Variants in ANK2 observed in about 807,000 individuals in gnomAD.
The protein encoded by ANK2 is ankyrin 2.
ANK2 carries 83 observed loss-of-function variants against 360.5 expected under a neutral mutation model. That is an observed-to-expected ratio of 0.23 (90% confidence interval 0.19 to 0.28). The LOEUF (loss-of-function observed/expected upper bound fraction) is 0.28, where lower values mean the gene tolerates loss of function less well. Among genes scored for constraint, ANK2 ranks in the 10% least tolerant of loss-of-function variants. ANK2 has a pLI of 1.00. For missense variants in ANK2, 4,201 were observed against 4,795.7 expected (o/e 0.88, Z 3.66); for synonymous variants, 1,740 against 1,759.5 (o/e 0.99, Z 0.28).
chr4:113,056,284 G>T (rs2069763118), intron 1 of ANK2, among the ~76,000 whole-genome samples: 1 of 152,108 alleles, frequency 6.6e-6, no homozygotes, highest in South Asian at 2.1e-4. Context: ...CTCAGTAGTT[G>T]TTCTATTAAA....
At chr4:112,988,784 A>G (rs530307578) in intron 2 of ANK2, among the ~76,000 whole-genome samples, 1 of 152,330 alleles carries the variant, frequency 6.6e-6, no homozygotes, top group Admixed American at 6.5e-5. Context: ...TAGCTTAATT[A>G]TGTGCATGAA....
At chr4:112,885,004 C>A (rs562870660) in intron 1 of ANK2, among the ~76,000 whole-genome samples, 1 of 152,148 alleles carries the variant, frequency 6.6e-6, no homozygotes, top group African/African-American at 2.4e-5. Flanking sequence ...CTCAGCATAG[C>A]GCTGGGCACA....
intron 2 of ANK2, among the ~76,000 whole-genome samples, chr4:112,910,560 G>A (rs2086785590): frequency 6.6e-6 from 1 of 152,240 alleles, no homozygotes; most frequent in Non-Finnish European, 1.5e-5. Context: ...GAGGGAGAAA[G>A]TGAAATTCTG....
chr4:112,798,150 CTG>C, the ANK2 span: 1 of 153,492 alleles, frequency 6.5e-6, no homozygotes, highest in Admixed American at 6.5e-5. Flanking sequence ...TCCACAGAAT[CTG>C]TAATATTCTG....
At chr4:112,800,410 T>G in the ANK2 span, among the ~76,000 whole-genome samples, 4 of 152,194 alleles carry the variant, frequency 2.6e-5, no homozygotes, top group African/African-American at 4.8e-5. Flanking sequence ...TGTGTATGTG[T>G]GTGTGTATGA....
At chr4:112,798,772 C>G in the ANK2 span, 1 of 152,236 alleles carries the variant, frequency 6.6e-6, no homozygotes, top group African/African-American at 2.4e-5. Flanking sequence ...CTATCTTACT[C>G]AGGTTGGTAC....
At chr4:113,206,160 G>A (rs2098944712) in intron 4 of ANK2, among the ~76,000 whole-genome samples, 1 of 152,046 alleles carries the variant, frequency 6.6e-6, no homozygotes, top group Non-Finnish European at 1.5e-5. Context: ...GTAAACATGT[G>A]CCATGGTGGT....
chr4:112,784,350 ATTTTTT>A, the ANK2 span, among the ~76,000 whole-genome samples: 146 of 69,562 alleles, frequency 2.1e-3, no homozygotes, highest in East Asian at 9.8e-3. Flanking sequence ...ACCCTGACTG[ATTTTTT>A]TTTTTTTTTT....
chr4:113,253,397 G>T (rs1309353279), intron 10 of ANK2, among the ~76,000 whole-genome samples: 1 of 152,044 alleles, frequency 6.6e-6, no homozygotes, highest in Non-Finnish European at 1.5e-5. Context: ...CCTGTATGCT[G>T]GTGCCACGAG....
chr4:112,895,491 C>T (rs763888142), intron 1 of ANK2, among the ~76,000 whole-genome samples: 4 of 152,094 alleles, frequency 2.6e-5, no homozygotes, highest in Admixed American at 6.6e-5. Context: ...AGGTGCTGAA[C>T]GCCATGGATT....
the ANK2 span, among the ~76,000 whole-genome samples, chr4:112,721,960 CATT>C: frequency 6.6e-6 from 1 of 152,140 alleles, no homozygotes; most frequent in African/African-American, 2.4e-5. Context: ...ATCTCACAAG[CATT>C]ATTATCAGAC....
At chr4:112,798,962 C>T in the ANK2 span, among the ~76,000 whole-genome samples, 2 of 152,130 alleles carry the variant, frequency 1.3e-5, no homozygotes, top group African/African-American at 4.8e-5. Context: ...AATTCCATAC[C>T]CATTAAAAAA....
intron 4 of ANK2, among the ~76,000 whole-genome samples, chr4:113,221,816 G>A (rs1179235674): frequency 1.3e-5 from 2 of 152,190 alleles, no homozygotes; most frequent in Non-Finnish European, 2.9e-5. Context: ...TAGTTCAAAT[G>A]CTTTCTTGGT....
At chr4:113,098,298 T>C (rs1216406176) in intron 1 of ANK2, among the ~76,000 whole-genome samples, 1 of 151,888 alleles carries the variant, frequency 6.6e-6, no homozygotes, top group Admixed American at 6.6e-5. Flanking sequence ...ATAAAGTTGA[T>C]AAAATTTTAG....
chr4:113,311,493 T>C, intron 24 of ANK2, 94 bp downstream of exon 24: 1 of 1,456,040 alleles, frequency 6.9e-7, no homozygotes, highest in Non-Finnish European at 9.5e-7. Flanking sequence ...TTATTGAGCA[T>C]TTAATAGGTA....
At chr4:113,128,837 T>C (rs559039167) in intron 1 of ANK2, among the ~76,000 whole-genome samples, 1 of 152,324 alleles carries the variant, frequency 6.6e-6, no homozygotes, top group South Asian at 2.1e-4. Context: ...CGTAGAGTTG[T>C]ACGTTGTGTG....
rs2052897774 is a variant in ANK2, at chr4:113,006,456, T to C, written c.21+101942T>C. On this transcript the variant is annotated intron_variant, in intron 2 of 30. Transcript: ENST00000503271. ...ACTTCACTCACAAGAGCAGGACAAGTTTAAATACATTGAGCTCTCATTATT... is the reference window on the plus strand; with the variant it reads ...ACTTCACTCACAAGAGCAGGACAAGCTTAAATACATTGAGCTCTCATTATT... Among the ~76,000 whole-genome samples, 5 of 152,186 alleles carry C rather than the reference T, an allele frequency of 3.3e-5. No individual in the cohort carries two copies. In the South Asian group the frequency reaches 1.0e-3, roughly 32 times the overall value.
At chr4:112,989,157 T>TAAACGAGA (rs1054282905) in intron 2 of ANK2, among the ~76,000 whole-genome samples, 3 of 152,212 alleles carry the variant, frequency 2.0e-5, no homozygotes, top group Non-Finnish European at 4.4e-5. Flanking sequence ...GCTCATATTT[T>TAAACGAGA]AAACGAGAAA....
intron 45 of ANK2, among the ~76,000 whole-genome samples, chr4:113,376,423 T>C (rs2096936339): frequency 6.6e-6 from 1 of 152,230 alleles, no homozygotes; most frequent in Non-Finnish European, 1.5e-5. Flanking sequence ...ACTTACCATG[T>C]AGCTTGCAGG....
Sources: allele counts gnomAD v4.1 joint callset (sites outside exome capture counted in the v4.1 genomes callset), GRCh38; gene constraint gnomAD v4.1.1; transcripts MANE v1.5; gene names NCBI Gene and HGNC (gene_info 2026-07-23, HGNC 2026-07-21).